Variants in SLC25A44 observed in about 807,000 individuals in gnomAD.
The protein encoded by SLC25A44 is solute carrier family 25, member 44.
Under a neutral mutation model 29.9 loss-of-function variants are expected in SLC25A44, and 17 were observed. The ratio of observed to expected loss-of-function variants is 0.57; its 90% CI spans 0.39 to 0.85. The LOEUF (loss-of-function observed/expected upper bound fraction) is 0.85, where lower values mean the gene tolerates loss of function less well. Ranked by LOEUF, SLC25A44 falls within the 40% of genes least tolerant of loss-of-function variation. SLC25A44 has a pLI of 0.00. For missense variants in SLC25A44, 302 were observed against 398.4 expected (o/e 0.76, Z 2.06); for synonymous variants, 140 against 151.8 (o/e 0.92, Z 0.57).
In SLC25A44 at chr1:156,199,871, GATC is replaced by G. The variant is rs1480443419; in HGVS notation, c.28_30del (p.Ile10del). Reference sequence around the variant, plus strand: ...CCATGGAGGACAAACGCAACATCCAGATCATCGAGTGGGAACACCTGGACAAGA... The same window carrying G: ...CCATGGAGGACAAACGCAACATCCAGATCGAGTGGGAACACCTGGACAAGA... On this transcript the variant is annotated inframe_deletion, in exon 2 of 4. Transcript: ENST00000359511. The G allele has an allele frequency of 1.2e-6, 2 of 1,613,918 alleles. No homozygotes were observed. Among genetic ancestry groups the G allele is most frequent in the Non-Finnish European group, 1.7e-6 (2 of 1,179,922 alleles).
chr1:156,210,141 CGGAGTCTGGT>C, intron 3 of SLC25A44, 89 bp from the exon 4 acceptor site: 1 of 808,618 alleles, frequency 1.2e-6, no homozygotes, highest in Non-Finnish European at 2.0e-6. Flanking sequence ...CTTCCGACGT[CGGAGTCTGGT>C]TCTCCCCACT....
At chr1:156,206,240 T>A (rs1656923174) in intron 2 of SLC25A44, among the ~76,000 whole-genome samples, 1 of 87,110 alleles carries the variant, frequency 1.1e-5, no homozygotes, top group Admixed American at 1.0e-4. Flanking sequence ...CATTTTTAAT[T>A]TTTTTTTTTT....
Position 156,210,731 on chromosome 1 carries a change from C to A in SLC25A44, c.*300C>A. Reference sequence around the variant, plus strand: ...ACCCTGCCAGCCCTTCTTCTGGCTTCCCCTTCCATCTGTGTCCCTGAGACC... The same window carrying A: ...ACCCTGCCAGCCCTTCTTCTGGCTTACCCTTCCATCTGTGTCCCTGAGACC... On this transcript the variant is annotated 3_prime_UTR_variant, in exon 4 of 4. Transcript: ENST00000359511. 5.9e-6 allele frequency: 1 copy of A among 169,142 alleles called. No homozygotes were observed. The highest frequency in any genetic ancestry group is 2.8e-5 in the African/African-American group (1 of 35,904). The allele number at this position is 169,142 out of a possible 1,614,324, so 10.5% of individuals were successfully genotyped here.
intron 2 of SLC25A44, among the ~76,000 whole-genome samples, chr1:156,202,859 C>T (rs909679744): frequency 9.2e-5 from 14 of 152,272 alleles, no homozygotes; most frequent in African/African-American, 3.1e-4. Context: ...AATAACCCTG[C>T]GATGTAAGTG....
At chr1:156,196,369 G>C (rs1245530703) in intron 1 of SLC25A44, 4 of 152,216 alleles carry the variant, frequency 2.6e-5, no homozygotes, top group Non-Finnish European at 5.9e-5. Context: ...TCTAAGGCAT[G>C]ACCCTTGGAT....
intron 2 of SLC25A44, among the ~76,000 whole-genome samples, chr1:156,205,444 C>A (rs1195883636): frequency 6.6e-6 from 1 of 152,188 alleles, no homozygotes. Context: ...CTTACTCATA[C>A]TGCTCCAGGG....
chr1:156,204,134 A>C (rs760772974), intron 2 of SLC25A44, among the ~76,000 whole-genome samples: 2 of 150,804 alleles, frequency 1.3e-5, no homozygotes, highest in Non-Finnish European at 3.0e-5. Flanking sequence ...GAGCCTCCCG[A>C]GTAGCTGGGA....
chr1:156,208,023 A>T lies in SLC25A44; in HGVS notation c.753+10A>T. 3.7e-6 allele frequency: 6 copies of T among 1,613,120 alleles called. No homozygotes were observed. Among genetic ancestry groups the T allele is most frequent in the Non-Finnish European group, 5.1e-6 (6 of 1,179,204 alleles). On this transcript the variant is annotated intron_variant, in intron 3 of 3. Transcript: ENST00000359511. ...ACGAACCCGTGTGCAGGTAAGACTGACCACTTCCCTCACCCTCCTCCTGGA... is the reference window on the plus strand; with the variant it reads ...ACGAACCCGTGTGCAGGTAAGACTGTCCACTTCCCTCACCCTCCTCCTGGA...
chr1:156,200,703 T>G (rs1224732842), intron 2 of SLC25A44, among the ~76,000 whole-genome samples: 1 of 152,030 alleles, frequency 6.6e-6, no homozygotes, highest in Admixed American at 6.6e-5. Context: ...GCTAGAACAG[T>G]GTGCAGCATA....
intron 2 of SLC25A44, among the ~76,000 whole-genome samples, chr1:156,203,209 T>G (rs970214612): frequency 6.6e-6 from 1 of 152,222 alleles, no homozygotes; most frequent in Admixed American, 6.6e-5. Context: ...GATACTCTTC[T>G]CTGCCCGGAC....
rs770303323 is a variant in SLC25A44, at chr1:156,210,284, G to A, written c.798G>A (p.Met266Ile). The change falls in exon 4 of 4, where the codon ATG becomes ATA. Residue 266 changes from methionine to isoleucine, a missense_variant. By Grantham distance (10) the Met-to-Ile change is conservative. Coordinates refer to ENST00000359511, the MANE Select transcript of SLC25A44 (RefSeq NM_014655.4). ...NSIILTFRQL[M>I]AEEGPWGLMK... ...TCATCCTGACCTTCAGACAGCTGAT[G>A]GCAGAAGAAGGGCCTTGGGGCCTCA... 6.3e-7 allele frequency: 1 copy of A among 1,594,250 alleles called. No homozygotes were observed. The highest frequency in any genetic ancestry group is 8.5e-7 in the Non-Finnish European group (1 of 1,170,990).
rs141120415 is a variant in SLC25A44, at chr1:156,200,269, G to T, written c.422G>T (p.Arg141Leu). ...DVVSQHLMMQ[R>L]KGEKMGRFQV... ...GTCTCCCAGCACCTGATGATGCAAC[G>T]CAAGGGTGAGAAAATGGGCCGCTTT... The change falls in exon 2 of 4, where the codon CGC becomes CTC. Residue 141 changes from arginine (R) to leucine (L), a missense_variant. By Grantham distance (102) the Arg-to-Leu change is moderately radical. Coordinates refer to ENST00000359511, the MANE Select transcript of SLC25A44 (RefSeq NM_014655.4). 1 of 1,614,182 alleles carries T rather than the reference G, an allele frequency of 6.2e-7. No individual in the cohort carries two copies. The highest frequency in any genetic ancestry group is 2.2e-5 in the East Asian group (1 of 44,886).
At chr1:156,194,990 G>T (rs1438624492) in intron 1 of SLC25A44, among the ~76,000 whole-genome samples, 1 of 152,168 alleles carries the variant, frequency 6.6e-6, no homozygotes, top group Non-Finnish European at 1.5e-5. Context: ...GACCACCTTG[G>T]GTGGCAAGGA....
chr1:156,197,342 C>T (rs1384890892), intron 1 of SLC25A44: 2 of 152,226 alleles, frequency 1.3e-5, no homozygotes, highest in African/African-American at 4.8e-5. Flanking sequence ...AGAACTTTGC[C>T]TCTAGCTCAT....
chr1:156,200,552 A>G, intron 2 of SLC25A44, 80 bp downstream of exon 2: 1 of 1,328,118 alleles, frequency 7.5e-7, no homozygotes, highest in East Asian at 2.3e-5. Context: ...TGCATGTTAG[A>G]GTGGAGGTGA....
Position 156,212,770 on chromosome 1 carries a change from A to C in SLC25A44, c.*2339A>C, listed in dbSNP as rs1352155446. Reference sequence around the variant, plus strand: ...GCACTGTACGAAGTCTCTGAAATGTAATTAAAAGTTTTTATTGAGCCCCCG... The same window carrying C: ...GCACTGTACGAAGTCTCTGAAATGTCATTAAAAGTTTTTATTGAGCCCCCG... On this transcript the variant is annotated 3_prime_UTR_variant, in exon 4 of 4. Coordinates refer to ENST00000359511, the MANE Select transcript of SLC25A44 (RefSeq NM_014655.4). The C allele has an allele frequency of 1.8e-6, 1 of 550,336 alleles. No individual in the cohort carries two copies. Among genetic ancestry groups the C allele is most frequent in the African/African-American group, 1.9e-5 (1 of 52,924 alleles). 34.1% of individuals were successfully genotyped at this position (550,336 alleles called of 1,614,324 possible).
intron 2 of SLC25A44, among the ~76,000 whole-genome samples, chr1:156,206,517 C>T (rs1238802248): frequency 1.3e-5 from 2 of 152,054 alleles, no homozygotes; most frequent in African/African-American, 2.4e-5. Context: ...GGATTACAGG[C>T]GTGAGCCACC....
intron 3 of SLC25A44, among the ~76,000 whole-genome samples, chr1:156,208,620 A>G (rs990309676): frequency 2.0e-5 from 3 of 152,172 alleles, no homozygotes; most frequent in African/African-American, 7.2e-5. Flanking sequence ...TTGGAGTCCT[A>G]TTCCATAGCC....
At chr1:156,199,607 C>T (rs1656422508) in intron 1 of SLC25A44, 1 of 523,614 alleles carries the variant, frequency 1.9e-6, no homozygotes, top group Admixed American at 3.6e-5. Flanking sequence ...AGGAGGGAAA[C>T]TGAGTAAGGA....
Sources: allele counts gnomAD v4.1 joint callset (sites outside exome capture counted in the v4.1 genomes callset), GRCh38; gene constraint gnomAD v4.1.1; transcripts MANE v1.5; gene names NCBI Gene and HGNC (gene_info 2026-07-23, HGNC 2026-07-21).